DAB1: variants seen among roughly 807,000 people sequenced by gnomAD.
The protein encoded by DAB1 is disabled homolog 1.
Under a neutral mutation model 64.6 loss-of-function variants are expected in DAB1, and 15 were observed. The ratio of observed to expected loss-of-function variants is 0.23; its 90% confidence interval spans 0.16 to 0.36. DAB1 has a LOEUF of 0.36. Among genes scored for constraint, DAB1 ranks in the 10% least tolerant of loss-of-function variants. The pLI, the probability that DAB1 is intolerant of heterozygous loss-of-function variation, is 1.00. For synonymous variants in DAB1, 235 were observed against 251.9 expected (o/e 0.93, Z 0.64); for missense variants, 596 against 706.7 (o/e 0.84, Z 1.78).
intron 5 of DAB1, among the ~76,000 whole-genome samples, chr1:57,965,978 T>C (rs2100290654): frequency 6.6e-6 from 1 of 152,252 alleles, no homozygotes; most frequent in Non-Finnish European, 1.5e-5. Flanking sequence ...TATACTAACT[T>C]GATGAGCTAA....
intron 3 of DAB1, among the ~76,000 whole-genome samples, chr1:58,474,273 G>A (rs910472341): frequency 6.6e-6 from 1 of 152,136 alleles, no homozygotes; most frequent in African/African-American, 2.4e-5. Context: ...TTACTTGCTG[G>A]ATCTCACAGC....
chr1:57,267,940 C>A (rs1356127062), intron 2 of DAB1, among the ~76,000 whole-genome samples: 1 of 152,144 alleles, frequency 6.6e-6, no homozygotes, highest in East Asian at 1.9e-4. Context: ...GGTTCTAAAC[C>A]AAAGCCATTC....
intron 6 of DAB1, among the ~76,000 whole-genome samples, chr1:57,785,864 T>A (rs1557479977): frequency 6.6e-6 from 1 of 152,216 alleles, no homozygotes; most frequent in Non-Finnish European, 1.5e-5. Flanking sequence ...ATCTCTCCAA[T>A]TTTGAAAGAA....
chr1:57,369,336 G>A (rs564956449), intron 1 of DAB1, among the ~76,000 whole-genome samples: 60 of 152,306 alleles, frequency 3.9e-4, no homozygotes, highest in African/African-American at 1.4e-3. Context: ...TGCCCACGTA[G>A]TATCAAGATA....
chr1:57,113,968 T>C (rs908832213), intron 4 of DAB1, among the ~76,000 whole-genome samples: 1 of 152,206 alleles, frequency 6.6e-6, no homozygotes, highest in Non-Finnish European at 1.5e-5. Flanking sequence ...ACAGTTCAAC[T>C]CTAGGATGGA....
intron 1 of DAB1, among the ~76,000 whole-genome samples, chr1:57,385,627 C>T (rs866196879): frequency 6.6e-5 from 10 of 152,072 alleles, no homozygotes; most frequent in Non-Finnish European, 1.5e-5. Context: ...AGTCCAGAGG[C>T]AAGAGACAGC....
intron 1 of DAB1, among the ~76,000 whole-genome samples, chr1:57,881,385 C>A (rs1188322854): frequency 6.6e-6 from 1 of 152,152 alleles, no homozygotes; most frequent in Non-Finnish European, 1.5e-5. Context: ...TCAGTGGGTA[C>A]CTACCTTCTG....
chr1:57,321,921 T>C (rs1675755518), intron 1 of DAB1, among the ~76,000 whole-genome samples: 2 of 152,160 alleles, frequency 1.3e-5, no homozygotes, highest in African/African-American at 2.4e-5. Context: ...TGCTAGAACA[T>C]TTCCAAAGAT....
intron 5 of DAB1, among the ~76,000 whole-genome samples, chr1:58,080,859 C>T (rs546975731): frequency 3.6e-4 from 55 of 152,230 alleles, no homozygotes; most frequent in Non-Finnish European, 6.5e-4. Context: ...TGCTATCATA[C>T]AATTAACAGT....
At chr1:58,502,564 C>T (rs1028514678) in intron 3 of DAB1, among the ~76,000 whole-genome samples, 2 of 152,130 alleles carry the variant, frequency 1.3e-5, no homozygotes, top group South Asian at 2.1e-4. Context: ...AGGACAGGAA[C>T]CTTAGGTAGA....
intron 4 of DAB1, among the ~76,000 whole-genome samples, chr1:58,304,549 C>G (rs1001939410): frequency 4.2e-4 from 64 of 152,290 alleles, no homozygotes; most frequent in Non-Finnish European, 7.2e-4. Context: ...TTGCTGAACA[C>G]TTAGATCCAA....
chr1:57,683,814 T>C (rs1270782079), intron 6 of DAB1, among the ~76,000 whole-genome samples: 1 of 152,134 alleles, frequency 6.6e-6, no homozygotes, highest in African/African-American at 2.4e-5. Context: ...AGAATCTGGA[T>C]GACAAGGAAG....
chr1:57,453,124 T>A (rs898470192), intron 7 of DAB1, among the ~76,000 whole-genome samples: 4 of 152,028 alleles, frequency 2.6e-5, no homozygotes, highest in Non-Finnish European at 4.4e-5. Context: ...GATACAGACA[T>A]GGATCAAGAA....
At chr1:57,533,159 C>T (rs1346226662) in intron 7 of DAB1, among the ~76,000 whole-genome samples, 3 of 151,966 alleles carry the variant, frequency 2.0e-5, no homozygotes, top group Non-Finnish European at 4.4e-5. Context: ...ATACATATCA[C>T]CATACCACCT....
intron 5 of DAB1, among the ~76,000 whole-genome samples, chr1:57,980,928 C>T (rs924436950): frequency 1.3e-5 from 2 of 151,616 alleles, no homozygotes; most frequent in East Asian, 1.9e-4. Flanking sequence ...CACACACACA[C>T]ACATAGATAT....
At chr1:57,392,784 T>C (rs1009995212) in intron 1 of DAB1, among the ~76,000 whole-genome samples, 2 of 152,164 alleles carry the variant, frequency 1.3e-5, no homozygotes, top group African/African-American at 4.8e-5. Context: ...AAGATCAACG[T>C]GACTCAAGCA....
rs1196416124 is a variant in DAB1, at chr1:57,724,296, AAGGAAGGG to A, written n.552-74639_552-74632del. ...GAAGGAAGGAAGGAACGAAGGAAGGAAGGAAGGGAGGGAGGGAGGGAGGAAGGAAGGAA... is the reference window on the plus strand; with the variant it reads ...GAAGGAAGGAAGGAACGAAGGAAGGAAGGGAGGGAGGGAGGAAGGAAGGAA... On this transcript the variant is annotated intron_variant and non_coding_transcript_variant, in intron 6 of 20. Coordinates refer to the DAB1 transcript ENST00000485760. Among the ~76,000 whole-genome samples, 32 of 79,876 alleles carry A rather than the reference AAGGAAGGG, an allele frequency of 4.0e-4. No homozygotes were observed. In the East Asian group the frequency reaches 8.8e-3, roughly 22 times the overall value. 52.4% of individuals were successfully genotyped at this position (79,876 alleles called of 152,430 possible). A position where few individuals can be genotyped will look rare whatever the true frequency, so the allele number is the denominator to read the frequency against.
chr1:57,411,326 A>G (rs181303800), intron 1 of DAB1, among the ~76,000 whole-genome samples: 53 of 152,260 alleles, frequency 3.5e-4, no homozygotes, highest in African/African-American at 1.2e-3. Context: ...AATGACCTGG[A>G]CTCATCTTTC....
chr1:57,692,969 C>T (rs1646781274), intron 6 of DAB1, among the ~76,000 whole-genome samples: 1 of 152,116 alleles, frequency 6.6e-6, no homozygotes, highest in South Asian at 2.1e-4. Context: ...TTTCTAGGTC[C>T]CATAACAGCC....
Sources: allele counts gnomAD v4.1 joint callset (sites outside exome capture counted in the v4.1 genomes callset), GRCh38; gene constraint gnomAD v4.1.1; transcripts MANE v1.5; gene names NCBI Gene and HGNC (gene_info 2026-07-23, HGNC 2026-07-21).